PLSCR2: variants seen among roughly 807,000 people sequenced by gnomAD.
PLSCR2 encodes the protein PL scramblase 2.
A neutral mutation model predicts 25.3 loss-of-function variants in PLSCR2; 18 were observed. The ratio of observed to expected loss-of-function variants is 0.71; its 90% CI spans 0.49 to 1.06. The LOEUF is 1.06. Among genes scored for constraint, PLSCR2 ranks in the 50% least tolerant of loss-of-function variants. The probability of loss-of-function intolerance (pLI) is 0.00; values close to 1 mark genes in which losing one functional copy is unlikely to be tolerated. For synonymous variants in PLSCR2, 88 were observed against 87.3 expected, an observed-to-expected ratio of 1.01 and a Z score of -0.04; for missense variants, 243 against 269.5, an observed-to-expected ratio of 0.90 and a Z score of 0.69.
intron 1 of PLSCR2, among the ~76,000 whole-genome samples, chr3:146,489,754 C>A (rs767181348): frequency 6.6e-6 from 1 of 152,058 alleles, no homozygotes; most frequent in Non-Finnish European, 1.5e-5. Flanking sequence ...AGGACCTTTG[C>A]CATTACAGAA....
chr3:146,449,537 A>T (rs2040772881), intron 5 of PLSCR2, among the ~76,000 whole-genome samples, 170 bp from the exon 6 acceptor site: 1 of 152,120 alleles, frequency 6.6e-6, no homozygotes, highest in Admixed American at 6.6e-5. Context: ...ATATTTATAG[A>T]TACATAAAAA....
chr3:146,437,270 T>A (rs1474876656), downstream of PLSCR2, among the ~76,000 whole-genome samples: 5 of 152,176 alleles, frequency 3.3e-5, no homozygotes, highest in Admixed American at 3.3e-4. Context: ...GGCTTTGGTA[T>A]CAGGATGATG....
At chr3:146,483,926 G>T (rs539453) in intron 1 of PLSCR2, among the ~76,000 whole-genome samples, 48,959 of 151,538 alleles carry the variant, frequency 0.32, 7,955 homozygotes, top group South Asian at 0.41. Context: ...CACAGAACTC[G>T]GTGAAGGCTG....
intron 6 of PLSCR2, among the ~76,000 whole-genome samples, chr3:146,442,139 C>T (rs1008565528): frequency 6.6e-6 from 1 of 151,970 alleles, no homozygotes; most frequent in South Asian, 2.1e-4. Context: ...TAATGTTTTG[C>T]AGTCCTTCTC....
At chr3:146,460,443 G>GAAA (rs59446001), upstream of PLSCR2, among the ~76,000 whole-genome samples, 2 of 133,774 alleles carry the variant, frequency 1.5e-5, no homozygotes, top group Non-Finnish European at 3.2e-5. Context: ...GATGAAATTG[G>GAAA]AAAAAAAAAA....
chr3:146,404,809 CAA>C (rs765756845), intron 2 of PLSCR2, among the ~76,000 whole-genome samples: 3 of 45,010 alleles, frequency 6.7e-5, no homozygotes, highest in Non-Finnish European at 4.8e-5. Flanking sequence ...AAGAAATAGG[CAA>C]AAAAAAAAAA....
intron 6 of PLSCR2, among the ~76,000 whole-genome samples, chr3:146,445,975 C>T (rs2040532649): frequency 6.6e-6 from 1 of 152,118 alleles, no homozygotes; most frequent in Admixed American, 6.6e-5. Flanking sequence ...TATTCAACTC[C>T]AGAATTTCTG....
intron 6 of PLSCR2, among the ~76,000 whole-genome samples, chr3:146,442,579 T>A (rs999893057): frequency 6.6e-6 from 1 of 151,898 alleles, no homozygotes; most frequent in African/African-American, 2.4e-5. Context: ...GATATAGTAA[T>A]CAAAACAGCT....
chr3:146,426,255 CTCCT>C (rs1319751260), intron 2 of PLSCR2, among the ~76,000 whole-genome samples: 64 of 141,098 alleles, frequency 4.5e-4, no homozygotes, highest in Middle Eastern at 3.6e-3. Flanking sequence ...CCCTCTCTCC[CTCCT>C]TCCTTCCTTC....
chr3:146,437,367 G>C (rs916153177), downstream of PLSCR2, among the ~76,000 whole-genome samples: 2 of 152,280 alleles, frequency 1.3e-5, no homozygotes, highest in South Asian at 4.1e-4. Flanking sequence ...GCTCCTCTTT[G>C]TACGTCTGGT....
intron 1 of PLSCR2, among the ~76,000 whole-genome samples, chr3:146,495,737 G>T (rs2043723845): frequency 6.6e-6 from 1 of 152,156 alleles, no homozygotes; most frequent in South Asian, 2.1e-4. Context: ...ATTTGTTACA[G>T]CAGTTCACAC....
At chr3:146,393,734 G>T (rs181334445) in intron 3 of PLSCR2, among the ~76,000 whole-genome samples, 1 of 150,770 alleles carries the variant, frequency 6.6e-6, no homozygotes, top group Admixed American at 6.6e-5. Context: ...GCTTGAACCC[G>T]GGAGGCAGAG....
At chr3:146,434,589 TAATA>T (rs2039713344) in intron 8 of PLSCR2, among the ~76,000 whole-genome samples, 1 of 152,010 alleles carries the variant, frequency 6.6e-6, no homozygotes. Flanking sequence ...TATAGATCCT[TAATA>T]TATACAAAAA....
downstream of PLSCR2, among the ~76,000 whole-genome samples, chr3:146,432,981 T>G (rs181243325): frequency 4.6e-5 from 7 of 152,316 alleles, no homozygotes; most frequent in African/African-American, 1.7e-4. Flanking sequence ...TTTCTCCTTC[T>G]GGAATTCTTA....
At chr3:146,473,307 T>TTC (rs2042178394) in intron 1 of PLSCR2, among the ~76,000 whole-genome samples, 1 of 149,458 alleles carries the variant, frequency 6.7e-6, no homozygotes, top group South Asian at 2.1e-4. Context: ...TACTATCTTT[T>TTC]TTTTTTTTTT....
chr3:146,444,202 G>A (rs542024274), intron 6 of PLSCR2, among the ~76,000 whole-genome samples: 4 of 152,092 alleles, frequency 2.6e-5, no homozygotes, highest in African/African-American at 4.8e-5. Context: ...CCTTGAGAAT[G>A]AGCCATATGC....
intron 2 of PLSCR2, among the ~76,000 whole-genome samples, chr3:146,400,255 C>A (rs1389502810): frequency 6.6e-6 from 1 of 151,444 alleles, no homozygotes; most frequent in Non-Finnish European, 1.5e-5. Flanking sequence ...AAAAAAGCTA[C>A]TAGAATTTGT....
chr3:146,488,330 G>A (rs573096835), intron 1 of PLSCR2, among the ~76,000 whole-genome samples: 1 of 152,114 alleles, frequency 6.6e-6, no homozygotes, highest in East Asian at 1.9e-4. Context: ...TAACAAACGG[G>A]ACTTAATTAA....
chr3:146,477,271 C>T (rs894650403), intron 1 of PLSCR2, among the ~76,000 whole-genome samples: 2 of 152,182 alleles, frequency 1.3e-5, no homozygotes, highest in Non-Finnish European at 2.9e-5. Flanking sequence ...TGACCCAAAG[C>T]AGGGCAGAGC....
Sources: gnomAD v4.1 joint callset for allele counts (sites outside exome capture counted in the v4.1 genomes callset) on GRCh38, gnomAD v4.1.1 for gene constraint, MANE v1.5 for transcripts, NCBI Gene and HGNC (gene_info 2026-07-23, HGNC 2026-07-21) for gene names.